Variants in BCAS4 observed in about 807,000 individuals in gnomAD.
The protein encoded by BCAS4 is breast carcinoma-amplified sequence 4.
In BCAS4, 9 loss-of-function variants were observed where a neutral mutation model predicts 15.7. That is an observed-to-expected ratio of 0.57 (90% CI 0.34 to 1.00). The LOEUF is 1.00. Among genes scored for constraint, BCAS4 ranks in the 50% least tolerant of loss-of-function variants. The probability of loss-of-function intolerance (pLI) is 0.02; values close to 1 mark genes in which losing one functional copy is unlikely to be tolerated. For missense variants in BCAS4, 225 were observed against 239.1 expected, an observed-to-expected ratio of 0.94 and a Z score of 0.39; for synonymous variants, 101 against 99.5, an observed-to-expected ratio of 1.02 and a Z score of -0.09.
At chr20:50,846,984 C>T (rs1031202789) in intron 4 of BCAS4, among the ~76,000 whole-genome samples, 2 of 152,000 alleles carry the variant, frequency 1.3e-5, no homozygotes, top group African/African-American at 2.4e-5. Flanking sequence ...TGAGCCGGCA[C>T]GGGCAGGTTC....
chr20:50,804,025 G>C (rs2087960586), intron 1 of BCAS4, among the ~76,000 whole-genome samples: 1 of 152,072 alleles, frequency 6.6e-6, no homozygotes, highest in Non-Finnish European at 1.5e-5. Context: ...AGCAGAGCGT[G>C]TGGGCCTGGG....
At chr20:50,798,330 A>G (rs192649297) in intron 1 of BCAS4, among the ~76,000 whole-genome samples, 31 of 152,180 alleles carry the variant, frequency 2.0e-4, no homozygotes, top group Admixed American at 7.9e-4. Context: ...ACCCAAAAGA[A>G]TTAAAAAAGA....
chr20:50,807,328 G>A (rs1037237295), intron 1 of BCAS4, among the ~76,000 whole-genome samples: 3 of 151,708 alleles, frequency 2.0e-5, no homozygotes, highest in Non-Finnish European at 4.4e-5. Flanking sequence ...AAGTAGCTGG[G>A]ACTACAGGCA....
chr20:50,875,602 T>TA (rs3971637), intron 4 of BCAS4, among the ~76,000 whole-genome samples: 36,576 of 99,784 alleles, frequency 0.37, 5,746 homozygotes, highest in East Asian at 0.48. Flanking sequence ...TCATCTCTAC[T>TA]AAAAAAAAAA....
chr20:50,836,231 A>G (rs534110348), intron 3 of BCAS4, among the ~76,000 whole-genome samples: 1 of 152,214 alleles, frequency 6.6e-6, no homozygotes, highest in African/African-American at 2.4e-5. Flanking sequence ...TGTATTTCCT[A>G]TTAGCTCAAG....
rs558093848 is a variant in BCAS4 at position 50,823,078 on chromosome 20, G to A, written c.162+4796G>A. On this transcript the variant is annotated intron_variant, in intron 2 of 4. Coordinates refer to ENST00000371608, the MANE Select transcript of BCAS4 (RefSeq NM_198799.4). Reference sequence around the variant, plus strand: ...TTATTCGCCAGGCGTGGTAGCTCACGCCTGTAATCCCAGCACTTTGGGAGG... The same window carrying A: ...TTATTCGCCAGGCGTGGTAGCTCACACCTGTAATCCCAGCACTTTGGGAGG... Among the ~76,000 whole-genome samples, 7 of 151,852 alleles carry A rather than the reference G, an allele frequency of 4.6e-5. No homozygotes were observed. The East Asian group carries it at 1.2e-3, about 25-fold the overall frequency.
chr20:50,861,038 C>G (rs1396755863), intron 4 of BCAS4, among the ~76,000 whole-genome samples: 1 of 150,598 alleles, frequency 6.6e-6, no homozygotes, highest in Non-Finnish European at 1.5e-5. Flanking sequence ...GCAGGCAGAG[C>G]CAACAGGATT....
chr20:50,812,259 A>G (rs935724360), intron 1 of BCAS4, among the ~76,000 whole-genome samples: 1 of 150,818 alleles, frequency 6.6e-6, no homozygotes, highest in African/African-American at 2.5e-5. Flanking sequence ...CAGCCTCCCG[A>G]GTAGCTGGGA....
In BCAS4 at chr20:50,830,397, G is replaced by C; in HGVS notation, c.264+17G>C. On this transcript the variant is annotated intron_variant, in intron 3 of 4. Transcript: ENST00000371608. ...CGGCTAGAGGTACGTCTAGGCAAAC[G>C]AAGGTTCTGAGGCTGTGGACTTGAT... The C allele has an allele frequency of 1.9e-6, 3 of 1,599,698 alleles. No individual in the cohort carries two copies. In the South Asian group the frequency reaches 3.3e-5, roughly 18 times the overall value.
At chr20:50,838,642 C>T (rs946165740) in intron 3 of BCAS4, among the ~76,000 whole-genome samples, 3 of 152,000 alleles carry the variant, frequency 2.0e-5, no homozygotes, top group Non-Finnish European at 4.4e-5. Flanking sequence ...ATTGGGAGTT[C>T]GAGACCAGCC....
intron 3 of BCAS4, 62 bp from the exon 4 acceptor site, chr20:50,841,704 G>T: frequency 6.2e-7 from 1 of 1,610,274 alleles, no homozygotes; most frequent in Non-Finnish European, 8.5e-7. Flanking sequence ...CCCAGGGAGT[G>T]TGGCCAGGAA....
rs1286604444 is a variant in BCAS4 at position 50,830,035 on chromosome 20, G to C, written c.163-244G>C. 3.3e-5 allele frequency among the ~76,000 whole-genome samples: 5 copies of C among 152,212 alleles called. 1 individual carries two copies. The highest frequency in any genetic ancestry group is 3.3e-4 in the Admixed American group (5 of 15,282). Reference sequence around the variant, plus strand: ...TAGTTTGGGACTGGTGTTGCTGGGTGGTTGGTGGGAAGTGATTAATTTGTG... The same window carrying C: ...TAGTTTGGGACTGGTGTTGCTGGGTCGTTGGTGGGAAGTGATTAATTTGTG... On this transcript the variant is annotated intron_variant, in intron 2 of 4. Transcript: ENST00000371608.
Position 50,855,668 on chromosome 20 carries a change from G to A in BCAS4, c.399+13768G>A, listed in dbSNP as rs1449827671. Among the ~76,000 whole-genome samples the A allele has an allele frequency of 5.9e-5, 9 of 152,202 alleles. 1 individual carries two copies. The Middle Eastern group carries it at 0.01, about 173-fold the overall frequency. On this transcript the variant is annotated intron_variant, in intron 4 of 4. Coordinates refer to ENST00000371608, the MANE Select transcript of BCAS4 (RefSeq NM_198799.4). Reference sequence around the variant, plus strand: ...CAGCCTGGCCGGCCCAGGCTGGGCCGTGGGCACCCATTGCCCTTCTCTGAG... The same window carrying A: ...CAGCCTGGCCGGCCCAGGCTGGGCCATGGGCACCCATTGCCCTTCTCTGAG...
chr20:50,805,250 C>T (rs182324107), intron 1 of BCAS4, among the ~76,000 whole-genome samples: 47 of 152,176 alleles, frequency 3.1e-4, no homozygotes, highest in Non-Finnish European at 7.4e-5. Flanking sequence ...TCTGTCATTC[C>T]CCAACCCCCA....
chr20:50,806,390 C>T (rs1373271428), intron 1 of BCAS4, among the ~76,000 whole-genome samples: 1 of 152,232 alleles, frequency 6.6e-6, no homozygotes, highest in East Asian at 1.9e-4. Flanking sequence ...CTTTCATCTT[C>T]CTTTCTTTTC....
intron 1 of BCAS4, among the ~76,000 whole-genome samples, chr20:50,809,499 G>A (rs1053790801): frequency 1.3e-5 from 2 of 152,056 alleles, no homozygotes; most frequent in African/African-American, 4.8e-5. Context: ...GTGAGCCACC[G>A]CACCCAGCCT....
intron 1 of BCAS4, among the ~76,000 whole-genome samples, chr20:50,813,411 G>A (rs544285047): frequency 3.3e-5 from 5 of 152,326 alleles, no homozygotes; most frequent in African/African-American, 1.2e-4. Context: ...CAGGAAGCTG[G>A]GACCAGCGAG....
chr20:50,871,267 C>T (rs896505712), intron 4 of BCAS4, among the ~76,000 whole-genome samples: 1 of 152,252 alleles, frequency 6.6e-6, no homozygotes. Flanking sequence ...CATAGCGACT[C>T]CTCCCTTGCA....
chr20:50,824,976 C>T (rs976619360), intron 2 of BCAS4, among the ~76,000 whole-genome samples: 2 of 152,098 alleles, frequency 1.3e-5, no homozygotes, highest in Non-Finnish European at 2.9e-5. Flanking sequence ...CATCTGTAGA[C>T]CTCTGGTGTT....
Sources: gnomAD v4.1 joint callset for allele counts (sites outside exome capture counted in the v4.1 genomes callset) on GRCh38, gnomAD v4.1.1 for gene constraint, MANE v1.5 for transcripts, NCBI Gene and HGNC (gene_info 2026-07-23, HGNC 2026-07-21) for gene names.